Variants in ASH1L observed in about 807,000 individuals in gnomAD.
ASH1L encodes histone-lysine N-methyltransferase ASH1L.
Under a neutral mutation model 269.0 loss-of-function variants are expected in ASH1L, and 23 were observed. The ratio of observed to expected loss-of-function variants is 0.09; its 90% confidence interval spans 0.06 to 0.12. The LOEUF is 0.12. Ranked by LOEUF, ASH1L falls within the 10% of genes least tolerant of loss-of-function variation. ASH1L has a pLI of 1.00. For missense variants in ASH1L, 2,912 were observed against 3,567.8 expected, an observed-to-expected ratio of 0.82 and a Z score of 4.68; for synonymous variants, 1,187 against 1,253.5, an observed-to-expected ratio of 0.95 and a Z score of 1.12.
At chr1:155,427,556 G>A (rs187730043) in intron 5 of ASH1L, among the ~76,000 whole-genome samples, 1 of 152,060 alleles carries the variant, frequency 6.6e-6, no homozygotes, top group Non-Finnish European at 1.5e-5. Context: ...CGCCCACCTC[G>A]GCCTCCCAAA....
intron 13 of ASH1L, chr1:155,358,836 C>G (rs1240056170): frequency 1.3e-5 from 2 of 151,940 alleles, no homozygotes; most frequent in Non-Finnish European, 2.9e-5. Context: ...AAAAATTTGG[C>G]TGGGCATGGT....
In ASH1L at chr1:155,538,172, G is replaced by A. The variant is rs554179888; in HGVS notation, c.-99-16554C>T. ...CCAAAGTGGCTGGGACTACAGGTGC[G>A]CATCACCAGGCCAGGCTAATTTTTG... On this transcript the variant is annotated intron_variant, in intron 1 of 27. Coordinates refer to ENST00000392403, the MANE Select transcript of ASH1L (RefSeq NM_018489.3). Among the ~76,000 whole-genome samples, 10 of 151,396 alleles carry A rather than the reference G, an allele frequency of 6.6e-5. No homozygotes were observed. In the South Asian group the frequency reaches 1.3e-3, roughly 19 times the overall value.
At chr1:155,430,554 T>G (rs1226465990) in intron 5 of ASH1L, among the ~76,000 whole-genome samples, 1 of 152,188 alleles carries the variant, frequency 6.6e-6, no homozygotes, top group Non-Finnish European at 1.5e-5. Context: ...CAGTAGTAAA[T>G]TTTTAATCTC....
intron 16 of ASH1L, among the ~76,000 whole-genome samples, chr1:155,353,701 A>G (rs1654119601): frequency 6.6e-6 from 1 of 152,144 alleles, no homozygotes; most frequent in African/African-American, 2.4e-5. Flanking sequence ...AAGGTCTTCA[A>G]ACTGATAATG....
chr1:155,407,482 T>C (rs1302086403), intron 6 of ASH1L, among the ~76,000 whole-genome samples: 1 of 152,198 alleles, frequency 6.6e-6, no homozygotes, highest in Non-Finnish European at 1.5e-5. Context: ...TGGATAAATT[T>C]ATTCACTGGG....
chr1:155,497,973 C>G (rs1053510540), intron 2 of ASH1L, among the ~76,000 whole-genome samples: 1 of 151,926 alleles, frequency 6.6e-6, no homozygotes, highest in Non-Finnish European at 1.5e-5. Flanking sequence ...AGGATGGTCT[C>G]GATCTCCTGA....
chr1:155,416,014 T>TA (rs774892153), intron 5 of ASH1L, 91 bp from the exon 6 acceptor site: 6 of 1,110,794 alleles, frequency 5.4e-6, no homozygotes, highest in East Asian at 2.7e-5. Flanking sequence ...CCATAGCAAT[T>TA]AAAAAAAGAG....
chr1:155,468,151 G>T (rs1379550526), intron 3 of ASH1L, among the ~76,000 whole-genome samples: 2 of 151,700 alleles, frequency 1.3e-5, no homozygotes, highest in African/African-American at 4.8e-5. Flanking sequence ...AAGCTTCTCA[G>T]ACTTTCCTTG....
In ASH1L at chr1:155,473,074, G is replaced by A. The variant is rs192696686; in HGVS notation, c.4984+4812C>T. Among the ~76,000 whole-genome samples, 33 of 152,260 alleles carry A rather than the reference G, an allele frequency of 2.2e-4. No individual in the cohort carries two copies. The East Asian group carries it at 6.2e-3, about 28-fold the overall frequency. On this transcript the variant is annotated intron_variant, in intron 3 of 27. Transcript: ENST00000392403. ...TTGTATCATTGATAAATACAAGAAT[G>A]ATACCAGAATATGGAAGTTGTATTG...
chr1:155,426,057 T>G, intron 5 of ASH1L, among the ~76,000 whole-genome samples: 1 of 151,356 alleles, frequency 6.6e-6, no homozygotes, highest in Non-Finnish European at 1.5e-5. Context: ...CCCGGCTAAT[T>G]TTATTTATTT....
At chr1:155,355,158 C>A (rs114068229) in intron 15 of ASH1L, among the ~76,000 whole-genome samples, 1 of 152,122 alleles carries the variant, frequency 6.6e-6, no homozygotes, top group Non-Finnish European at 1.5e-5. Context: ...CGGGTTCAAG[C>A]GATTCTCTCA....
chr1:155,550,938 C>T (rs1486112697), intron 1 of ASH1L, among the ~76,000 whole-genome samples: 1 of 152,110 alleles, frequency 6.6e-6, no homozygotes, highest in Non-Finnish European at 1.5e-5. Flanking sequence ...ATCTACTGCT[C>T]AGCCTCCCAA....
chr1:155,436,582 C>T (rs1013296926), intron 5 of ASH1L, among the ~76,000 whole-genome samples: 3 of 149,544 alleles, frequency 2.0e-5, no homozygotes, highest in South Asian at 4.3e-4. Context: ...TCACAACCTC[C>T]GCCTCCTGGG....
At chr1:155,398,376 G>A (rs1416804936) in intron 6 of ASH1L, among the ~76,000 whole-genome samples, 1 of 152,182 alleles carries the variant, frequency 6.6e-6, no homozygotes, top group Non-Finnish European at 1.5e-5. Flanking sequence ...TAGCTTATAG[G>A]TCCTAGGCTA....
intron 2 of ASH1L, among the ~76,000 whole-genome samples, chr1:155,509,507 T>C (rs1431785259): frequency 1.3e-5 from 2 of 152,116 alleles, no homozygotes; most frequent in East Asian, 1.9e-4. Flanking sequence ...TTCTTAAAAA[T>C]AGTGTTGAGG....
rs1298231296 is a variant in ASH1L at position 155,479,601 on chromosome 1, G to A, written c.3269C>T (p.Pro1090Leu). Residue 1090 changes from proline to leucine, a missense_variant, in exon 3 of 28, where the codon CCC becomes CTC. Transcript: ENST00000392403. The part of the protein sequence containing the change: ...AAGSALGQIL[P>L]PLLPSSASSS... The stretch of plus-strand genomic sequence containing the variant: ...ACTAGCAGATGAAGGCAGTAATGGG[G>A]GAAGAATCTGTCCTAATGCTGACCC... 6.8e-6 allele frequency: 11 copies of A among 1,614,178 alleles called. No homozygotes were observed. The South Asian group carries it at 1.2e-4, about 18-fold the overall frequency.
intron 2 of ASH1L, among the ~76,000 whole-genome samples, chr1:155,510,302 T>C (rs1382692244): frequency 1.4e-5 from 2 of 146,914 alleles, no homozygotes; most frequent in Non-Finnish European, 3.0e-5. Context: ...TAATCCCAGC[T>C]ACTCAAGAGG....
chr1:155,392,790 G>T (rs539452659), intron 7 of ASH1L, among the ~76,000 whole-genome samples: 22 of 152,072 alleles, frequency 1.4e-4, no homozygotes, highest in Non-Finnish European at 3.1e-4. Context: ...ATTCCCGGGA[G>T]GGTTAGCCTG....
chr1:155,452,480 T>A (rs1440979430), intron 4 of ASH1L, among the ~76,000 whole-genome samples: 1 of 152,232 alleles, frequency 6.6e-6, no homozygotes, highest in Non-Finnish European at 1.5e-5. Flanking sequence ...CCTTGAATCC[T>A]GTTTTAAATC....
Sources: allele counts gnomAD v4.1 joint callset (sites outside exome capture counted in the v4.1 genomes callset), GRCh38; gene constraint gnomAD v4.1.1; transcripts MANE v1.5; gene names NCBI Gene and HGNC (gene_info 2026-07-23, HGNC 2026-07-21).